CHD9: variants seen among roughly 807,000 people sequenced by gnomAD.
CHD9 encodes the protein chromodomain helicase DNA binding protein 9.
In CHD9, 77 loss-of-function variants were observed where a neutral mutation model predicts 316.1. The observed-to-expected ratio is 0.24, with a 90% CI of 0.20 to 0.29. The LOEUF (loss-of-function observed/expected upper bound fraction) is 0.29. Ranked by LOEUF, CHD9 falls within the 10% of genes least tolerant of loss-of-function variation. CHD9 has a pLI of 1.00. For missense variants in CHD9, 2,763 were observed against 3,438.1 expected (o/e 0.80, Z 4.91); for synonymous variants, 1,129 against 1,158.3 (o/e 0.97, Z 0.51).
At chr16:53,067,525 T>C (rs2033634076) in intron 1 of CHD9, among the ~76,000 whole-genome samples, 2 of 152,192 alleles carry the variant, frequency 1.3e-5, no homozygotes, top group African/African-American at 2.4e-5. Context: ...TCCCATTGAC[T>C]GTGACATTTT....
intron 1 of CHD9, among the ~76,000 whole-genome samples, chr16:53,085,267 G>A (rs1348716746): frequency 6.6e-6 from 1 of 150,692 alleles, no homozygotes; most frequent in South Asian, 2.1e-4. Context: ...TTAGAGATGA[G>A]GTCTTGCTAT....
chr16:53,256,262 A>G (rs574724723), intron 19 of CHD9, among the ~76,000 whole-genome samples: 64 of 152,152 alleles, frequency 4.2e-4, no homozygotes, highest in Non-Finnish European at 7.6e-4. Flanking sequence ...AGGAGTATCT[A>G]AGTCTTAAGG....
At chr16:53,237,837 C>CT (rs1022540130) in intron 11 of CHD9, among the ~76,000 whole-genome samples, 1 of 151,552 alleles carries the variant, frequency 6.6e-6, no homozygotes, top group Admixed American at 6.6e-5. Context: ...GCCTGAGTAT[C>CT]TTTTTTTTCA....
intron 2 of CHD9, among the ~76,000 whole-genome samples, chr16:53,202,563 C>T (rs1416462288): frequency 1.3e-5 from 2 of 151,730 alleles, no homozygotes; most frequent in African/African-American, 4.9e-5. Context: ...CCCCATTTTG[C>T]TGATTACATC....
At chr16:53,198,644 A>G (rs1190012664) in intron 2 of CHD9, among the ~76,000 whole-genome samples, 1 of 152,194 alleles carries the variant, frequency 6.6e-6, no homozygotes, top group Non-Finnish European at 1.5e-5. Context: ...TGTTTAAAGA[A>G]TTGAACTTCT....
intron 16 of CHD9, among the ~76,000 whole-genome samples, chr16:53,249,631 T>C (rs1364274531): frequency 6.6e-6 from 1 of 152,200 alleles, no homozygotes; most frequent in Admixed American, 6.5e-5. Context: ...AAATTTATTG[T>C]AGTGTTCTTT....
intron 2 of CHD9, among the ~76,000 whole-genome samples, chr16:53,163,359 C>T (rs548156959): frequency 5.5e-4 from 84 of 152,112 alleles, no homozygotes; most frequent in Middle Eastern, 3.4e-3. Context: ...TACAGGAATG[C>T]GCCACCACGC....
At chr16:53,220,972 A>T (rs2047186502) in intron 3 of CHD9, among the ~76,000 whole-genome samples, 1 of 152,154 alleles carries the variant, frequency 6.6e-6, no homozygotes, top group South Asian at 2.1e-4. Context: ...AGTAAGCGTG[A>T]GCACTTCTTC....
At chr16:53,316,264 T>G (rs1009451076) in intron 36 of CHD9, among the ~76,000 whole-genome samples, 4 of 152,186 alleles carry the variant, frequency 2.6e-5, no homozygotes, top group Non-Finnish European at 5.9e-5. Context: ...ACACTGTAAC[T>G]TCCTAACATG....
At chr16:53,180,607 T>G (rs538135746) in intron 2 of CHD9, among the ~76,000 whole-genome samples, 1 of 152,322 alleles carries the variant, frequency 6.6e-6, no homozygotes, top group South Asian at 2.1e-4. Flanking sequence ...TAAGTGCATA[T>G]CAGCACCACT....
At chr16:53,266,617 G>A (rs116019497) in intron 20 of CHD9, among the ~76,000 whole-genome samples, 219 of 152,208 alleles carry the variant, frequency 1.4e-3, no homozygotes, top group African/African-American at 5.0e-3. Context: ...ACATTTGTCC[G>A]TGTAACTAAA....
intron 2 of CHD9, among the ~76,000 whole-genome samples, chr16:53,172,152 C>T (rs921613103): frequency 3.3e-5 from 5 of 152,008 alleles, no homozygotes; most frequent in African/African-American, 1.2e-4. Flanking sequence ...ATACTCATTA[C>T]CCCCAAAAGT....
chr16:53,113,364 CT>C lies in CHD9; in HGVS notation c.-164-42542del, dbSNP rs35792251. Among the ~76,000 whole-genome samples the C allele has an allele frequency of 5.4e-3, 631 of 115,982 alleles. 3 individuals carry two copies. Among genetic ancestry groups the C allele is most frequent in the African/African-American group, 0.01 (327 of 31,796 alleles). The allele number at this position is 115,982 out of a possible 152,430, so 76.1% of individuals were successfully genotyped here. On this transcript the variant is annotated intron_variant, in intron 1 of 38. Transcript: ENST00000447540. ...TCTCTGTTTTACAAGAATCTTGGCA[CT>C]TTTTTTTTTTTTTTTTTTTGAGATG... is the stretch of plus-strand genomic sequence containing the variant.
chr16:53,279,004 A>G (rs1452426470), intron 24 of CHD9, among the ~76,000 whole-genome samples: 1 of 152,214 alleles, frequency 6.6e-6, no homozygotes, highest in Non-Finnish European at 1.5e-5. Context: ...CCATCCCATT[A>G]CTGGGTATAT....
At chr16:53,070,043 G>A (rs1423009618) in intron 1 of CHD9, among the ~76,000 whole-genome samples, 1 of 152,042 alleles carries the variant, frequency 6.6e-6, no homozygotes, top group African/African-American at 2.4e-5. Context: ...CTGGCCATTT[G>A]TATATCTTCC....
intron 27 of CHD9, among the ~76,000 whole-genome samples, chr16:53,289,180 T>A (rs1175334311): frequency 1.3e-5 from 2 of 151,906 alleles, no homozygotes; most frequent in Admixed American, 1.3e-4. Flanking sequence ...TTAAAGACAT[T>A]AAAGAAAGAA....
intron 2 of CHD9, among the ~76,000 whole-genome samples, chr16:53,204,690 A>G (rs1404904776): frequency 2.0e-5 from 3 of 152,120 alleles, no homozygotes; most frequent in Non-Finnish European, 4.4e-5. Flanking sequence ...CTGAAATATG[A>G]TATATAGAGT....
intron 34 of CHD9, 45 bp from the exon 35 acceptor site, chr16:53,314,332 A>T (rs2056718316): frequency 7.1e-7 from 1 of 1,415,354 alleles, no homozygotes; most frequent in East Asian, 2.5e-5. Flanking sequence ...CAGTTTGTTT[A>T]AGAACTAAAT....
chr16:53,268,744 G>A (rs2051932872), intron 22 of CHD9, among the ~76,000 whole-genome samples: 1 of 152,076 alleles, frequency 6.6e-6, no homozygotes, highest in Non-Finnish European at 1.5e-5. Flanking sequence ...AGGAATTAGT[G>A]TACATATTAA....
Sources: gnomAD v4.1 joint callset for allele counts (sites outside exome capture counted in the v4.1 genomes callset) on GRCh38, gnomAD v4.1.1 for gene constraint, MANE v1.5 for transcripts, NCBI Gene and HGNC (gene_info 2026-07-23, HGNC 2026-07-21) for gene names.